The following EYS variants were observed in gnomAD, a reference collection of about 807,000 sequenced individuals.
EYS encodes the protein EGF-like photoreceptor maintenance factor.
A neutral mutation model predicts 282.1 loss-of-function variants in EYS; 250 were observed. That is an observed-to-expected ratio of 0.89 (90% CI 0.80 to 0.98). EYS has a LOEUF of 0.98. Among genes scored for constraint, EYS ranks in the 50% least tolerant of loss-of-function variants. The pLI, the probability that EYS is intolerant of heterozygous loss-of-function variation, is 0.00. For missense variants in EYS, 4,016 were observed against 3,709.0 expected (o/e 1.08, Z -2.15); for synonymous variants, 1,355 against 1,282.9 (o/e 1.06, Z -1.20).
chr6:64,966,613 T>C (rs1017231058), intron 14 of EYS, among the ~76,000 whole-genome samples: 13 of 152,184 alleles, frequency 8.5e-5, no homozygotes, highest in Non-Finnish European at 2.9e-5. Context: ...CTTCTAGAAC[T>C]GCTTTCTTAT....
intron 22 of EYS, among the ~76,000 whole-genome samples, chr6:64,747,467 C>T (rs1009135889): frequency 5.3e-5 from 8 of 152,088 alleles, no homozygotes; most frequent in Non-Finnish European, 2.9e-5. Context: ...CTCCGCCTCC[C>T]CGGTCCTGGT....
chr6:64,389,472 T>C (rs1022826987), intron 28 of EYS, among the ~76,000 whole-genome samples: 2 of 152,234 alleles, frequency 1.3e-5, no homozygotes, highest in Non-Finnish European at 2.9e-5. Flanking sequence ...GTTTAACTAA[T>C]TGTTTAATCC....
At position 64,896,906 on chromosome 6, in the gene EYS, A is replaced by ATC. The variant is rs1767493140; in HGVS notation, c.2846+5206_2846+5207insGA. Among the ~76,000 whole-genome samples, 5 of 152,080 alleles carry ATC rather than the reference A, an allele frequency of 3.3e-5. No homozygotes were observed. The South Asian group carries it at 1.0e-3, about 31-fold the overall frequency. On this transcript the variant is annotated intron_variant, in intron 18 of 42. Coordinates refer to ENST00000503581, the MANE Select transcript of EYS (RefSeq NM_001142800.2). ...TGCCGTAGACAGACCGCCTCTCTAG[A>ATC]TACCTCCTCTCTGGGCAGGGCATCT...
In EYS at chr6:64,435,664, GAA is replaced by G. The variant is rs565441511; in HGVS notation, c.5927+508_5927+509del. ...TTACTAAAAATCAAATGAGAAAAAG[GAA>G]AAGTTTACTTATCAGATTGGCAAAC... On this transcript the variant is annotated intron_variant, in intron 28 of 42. Coordinates refer to ENST00000503581, the MANE Select transcript of EYS (RefSeq NM_001142800.2). Among the ~76,000 whole-genome samples the G allele has an allele frequency of 5.7e-4, 87 of 151,798 alleles. 1 individual carries two copies. Among genetic ancestry groups the G allele is most frequent in the African/African-American group, 1.9e-3 (80 of 41,464 alleles).
At chr6:64,848,619 G>A (rs1765787380) in intron 19 of EYS, among the ~76,000 whole-genome samples, 3 of 152,090 alleles carry the variant, frequency 2.0e-5, no homozygotes, top group Non-Finnish European at 2.9e-5. Flanking sequence ...GGGCAGTATA[G>A]CAGATCAGGT....
chr6:64,583,819 C>T (rs1562075162), intron 26 of EYS, among the ~76,000 whole-genome samples: 1 of 151,860 alleles, frequency 6.6e-6, no homozygotes, highest in Non-Finnish European at 1.5e-5. Flanking sequence ...TGATTAATTC[C>T]ACTCAATTTT....
At chr6:64,708,311 C>A (rs575136143) in intron 22 of EYS, among the ~76,000 whole-genome samples, 30 of 152,314 alleles carry the variant, frequency 2.0e-4, no homozygotes, top group African/African-American at 6.5e-4. Flanking sequence ...ATATCCAAAG[C>A]AACCTATTCT....
At chr6:64,014,445 A>G (rs967003233) in intron 33 of EYS, among the ~76,000 whole-genome samples, 1 of 152,118 alleles carries the variant, frequency 6.6e-6, no homozygotes, top group African/African-American at 2.4e-5. Flanking sequence ...CTGACAATGC[A>G]TTTTACTGAG....
intron 35 of EYS, among the ~76,000 whole-genome samples, chr6:63,938,860 G>T (rs935201793): frequency 2.0e-5 from 3 of 152,198 alleles, no homozygotes; most frequent in Non-Finnish European, 4.4e-5. Flanking sequence ...TTTACAAAGA[G>T]CTGGACAGTT....
intron 26 of EYS, among the ~76,000 whole-genome samples, chr6:64,475,840 G>A (rs1582799976): frequency 1.3e-5 from 2 of 152,300 alleles, no homozygotes; most frequent in Admixed American, 1.3e-4. Context: ...GGGCTGGAGT[G>A]CAATAGCATG....
At chr6:64,536,206 T>C (rs116767738) in intron 26 of EYS, among the ~76,000 whole-genome samples, 1,689 of 152,262 alleles carry the variant, frequency 0.011, 32 homozygotes, top group African/African-American at 0.039. Flanking sequence ...AAATAATTTA[T>C]TATTCTGTAT....
chr6:64,115,169 C>T (rs564409360), intron 31 of EYS, among the ~76,000 whole-genome samples: 4 of 152,176 alleles, frequency 2.6e-5, no homozygotes, highest in African/African-American at 7.2e-5. Context: ...ACAGTGGTTG[C>T]TCTGCACATG....
chr6:64,439,133 T>C (rs1311682032), intron 27 of EYS, 29 bp downstream of exon 27: 1 of 1,280,486 alleles, frequency 7.8e-7, no homozygotes, highest in Non-Finnish European at 1.0e-6. Flanking sequence ...TTGTAATTTT[T>C]AAAAAATTAA....
intron 19 of EYS, among the ~76,000 whole-genome samples, chr6:64,873,776 T>TA (rs200352614): frequency 6.6e-6 from 1 of 152,062 alleles, no homozygotes; most frequent in Admixed American, 6.6e-5. Flanking sequence ...TTTACATAAA[T>TA]AAAAAAACAT....
At chr6:64,859,845 G>A (rs1766178668) in intron 19 of EYS, among the ~76,000 whole-genome samples, 1 of 152,162 alleles carries the variant, frequency 6.6e-6, no homozygotes. Context: ...TTGTGAAAAT[G>A]TTCATGTGAC....
chr6:65,616,762 G>C (rs1314662282), intron 2 of EYS, among the ~76,000 whole-genome samples: 1 of 150,076 alleles, frequency 6.7e-6, no homozygotes, highest in Non-Finnish European at 1.5e-5. Flanking sequence ...CTCCAGCCTG[G>C]TGACAGAGTG....
chr6:64,683,344 T>TA (rs34069205), intron 22 of EYS, among the ~76,000 whole-genome samples: 2 of 151,540 alleles, frequency 1.3e-5, no homozygotes, highest in Non-Finnish European at 2.9e-5. Context: ...TTTAAGGAGT[T>TA]AAAAAAAAGG....
intron 12 of EYS, among the ~76,000 whole-genome samples, chr6:65,088,017 C>T (rs894957519): frequency 6.6e-6 from 1 of 152,136 alleles, no homozygotes; most frequent in Admixed American, 6.5e-5. Flanking sequence ...TTTGCACTCA[C>T]TCCATACTCC....
At chr6:64,755,444 T>C (rs1281533795) in intron 22 of EYS, among the ~76,000 whole-genome samples, 1 of 149,162 alleles carries the variant, frequency 6.7e-6, no homozygotes, top group Non-Finnish European at 1.5e-5. Context: ...CAAAACAGAG[T>C]CTAAATAGCA....
Sources: allele counts gnomAD v4.1 joint callset (sites outside exome capture counted in the v4.1 genomes callset), GRCh38; gene constraint gnomAD v4.1.1; transcripts MANE v1.5; gene names NCBI Gene and HGNC (gene_info 2026-07-23, HGNC 2026-07-21).